The following TTC28 variants were observed in gnomAD, a reference collection of about 807,000 sequenced individuals.
TTC28 encodes the protein tetratricopeptide repeat protein 28.
In TTC28, 61 loss-of-function variants were observed where a neutral mutation model predicts 198.0. That is an observed-to-expected ratio of 0.31 (90% confidence interval 0.25 to 0.38). TTC28 has a LOEUF of 0.38. TTC28 is among the 10% of genes least tolerant of loss of function. The pLI, the probability that TTC28 is intolerant of heterozygous loss-of-function variation, is 1.00. For missense variants in TTC28, 2,678 were observed against 3,164.0 expected (o/e 0.85, Z 3.69); for synonymous variants, 1,171 against 1,297.8 (o/e 0.90, Z 2.10).
chr22:28,653,494 A>G (rs1240121641), intron 1 of TTC28, among the ~76,000 whole-genome samples: 1 of 148,404 alleles, frequency 6.7e-6, no homozygotes, highest in Non-Finnish European at 1.5e-5. Flanking sequence ...TGGGGGTGAG[A>G]CCTTGTCTTA....
At chr22:28,199,548 T>TATATATATATATATATATATATAC (rs60177369) in intron 5 of TTC28, among the ~76,000 whole-genome samples, 3 of 147,472 alleles carry the variant, frequency 2.0e-5, no homozygotes, top group South Asian at 2.1e-4. Context: ...TATATATATA[T>TATATATATATATATATATATATAC]ACACACAAAC....
At chr22:28,607,949 A>T (rs990036084) in intron 2 of TTC28, among the ~76,000 whole-genome samples, 1 of 152,186 alleles carries the variant, frequency 6.6e-6, no homozygotes, top group Non-Finnish European at 1.5e-5. Flanking sequence ...ACTTTCCCAT[A>T]AATTAAACTG....
intron 5 of TTC28, among the ~76,000 whole-genome samples, chr22:28,248,700 C>T (rs1178120942): frequency 6.6e-6 from 1 of 152,126 alleles, no homozygotes; most frequent in Non-Finnish European, 1.5e-5. Flanking sequence ...TCTTGTAAAA[C>T]TATAGGGCTA....
At chr22:28,522,938 A>G (rs773859035) in intron 2 of TTC28, among the ~76,000 whole-genome samples, 5 of 152,094 alleles carry the variant, frequency 3.3e-5, no homozygotes, top group Non-Finnish European at 7.3e-5. Flanking sequence ...TTGGAATGAT[A>G]AAAATCTTCT....
At chr22:28,081,019 T>G (rs1024037446) in intron 12 of TTC28, among the ~76,000 whole-genome samples, 2 of 151,826 alleles carry the variant, frequency 1.3e-5, no homozygotes, top group Non-Finnish European at 2.9e-5. Flanking sequence ...ATTTCTGGGC[T>G]ATTTATTCTA....
chr22:28,409,577 C>T (rs953943633), intron 2 of TTC28, among the ~76,000 whole-genome samples: 26 of 148,962 alleles, frequency 1.7e-4, no homozygotes, highest in African/African-American at 4.9e-4. Flanking sequence ...TTATATATAA[C>T]ATATATAAAA....
intron 5 of TTC28, among the ~76,000 whole-genome samples, chr22:28,256,825 G>T (rs1425471456): frequency 6.6e-6 from 1 of 152,212 alleles, no homozygotes; most frequent in African/African-American, 2.4e-5. Flanking sequence ...CATTGCTTGA[G>T]GCCAGAAGTT....
intron 12 of TTC28, among the ~76,000 whole-genome samples, chr22:28,089,881 G>A (rs913335085): frequency 2.0e-5 from 3 of 151,424 alleles, no homozygotes; most frequent in Non-Finnish European, 2.9e-5. Flanking sequence ...ACCACATACC[G>A]CATGTTCTCA....
intron 2 of TTC28, among the ~76,000 whole-genome samples, chr22:28,419,642 C>T (rs999339388): frequency 1.3e-5 from 2 of 152,156 alleles, no homozygotes; most frequent in African/African-American, 4.8e-5. Context: ...AGAAAACAAA[C>T]ACCTTTGAGG....
chr22:28,427,046 G>C (rs893577600), intron 2 of TTC28, among the ~76,000 whole-genome samples: 3 of 152,120 alleles, frequency 2.0e-5, no homozygotes, highest in Non-Finnish European at 4.4e-5. Context: ...TAATAATAAA[G>C]TGAAACCTAC....
chr22:28,282,834 T>C (rs539403037), intron 5 of TTC28, among the ~76,000 whole-genome samples: 1 of 152,312 alleles, frequency 6.6e-6, no homozygotes, highest in East Asian at 1.9e-4. Context: ...AGTAGAACTT[T>C]GAAAATTACA....
intron 5 of TTC28, among the ~76,000 whole-genome samples, chr22:28,207,223 GGAAA>G (rs1440060199): frequency 1.3e-5 from 1 of 78,692 alleles, no homozygotes; most frequent in Non-Finnish European, 2.9e-5. Flanking sequence ...CTAAGCAGAT[GGAAA>G]AAAAAAAAAA....
chr22:28,591,106 G>A (rs2146091255), intron 2 of TTC28, among the ~76,000 whole-genome samples: 1 of 130,754 alleles, frequency 7.6e-6, no homozygotes, highest in South Asian at 2.5e-4. Flanking sequence ...CATTTTGTTG[G>A]GGGGAATTAT....
chr22:28,494,444 T>G (rs1317959522), intron 2 of TTC28, among the ~76,000 whole-genome samples: 1 of 152,152 alleles, frequency 6.6e-6, no homozygotes, highest in African/African-American at 2.4e-5. Context: ...TTCCCCTACT[T>G]AAGCTTAACT....
chr22:28,388,303 G>A (rs1410370292), intron 2 of TTC28, among the ~76,000 whole-genome samples: 1 of 152,134 alleles, frequency 6.6e-6, no homozygotes, highest in Non-Finnish European at 1.5e-5. Flanking sequence ...TGTTCTTTTG[G>A]CTTAGGAATG....
Position 28,537,297 on chromosome 22 carries a change from A to AACTAAACTAAACTAAACTAAACTAAAC in TTC28, c.381+92254_381+92255insGTTTAGTTTAGTTTAGTTTAGTTTAGT, listed in dbSNP as rs1569008972. ...GACAGAGCCAGACTCCGTCTCAAAA[A>AACTAAACTAAACTAAACTAAACTAAAC]TAAAATAAAATAAAATAAAATAAAA... On this transcript the variant is annotated intron_variant, in intron 2 of 22. Transcript: ENST00000397906. 1.5e-4 allele frequency among the ~76,000 whole-genome samples: 15 copies of AACTAAACTAAACTAAACTAAACTAAAC among 98,248 alleles called. No homozygotes were observed. In the East Asian group the frequency reaches 3.3e-3, roughly 22 times the overall value. The allele number at this position is 98,248 out of a possible 152,430, so 64.5% of individuals were successfully genotyped here.
chr22:28,436,716 G>C (rs923771331), intron 2 of TTC28, among the ~76,000 whole-genome samples: 5 of 152,180 alleles, frequency 3.3e-5, no homozygotes, highest in African/African-American at 1.2e-4. Context: ...CTAAGAGCTA[G>C]GTGCCATTCA....
chr22:28,601,584 C>T (rs1272843175), intron 2 of TTC28, among the ~76,000 whole-genome samples: 1 of 152,066 alleles, frequency 6.6e-6, no homozygotes, highest in African/African-American at 2.4e-5. Context: ...TATGCAAATA[C>T]TACCTTATTT....
At chr22:28,436,384 G>A (rs1395622838) in intron 2 of TTC28, among the ~76,000 whole-genome samples, 1 of 152,190 alleles carries the variant, frequency 6.6e-6, no homozygotes, top group Non-Finnish European at 1.5e-5. Flanking sequence ...GACAGCTTCA[G>A]TACAGGGCTA....
Sources: gnomAD v4.1 joint callset for allele counts (sites outside exome capture counted in the v4.1 genomes callset) on GRCh38, gnomAD v4.1.1 for gene constraint, MANE v1.5 for transcripts, NCBI Gene and HGNC (gene_info 2026-07-23, HGNC 2026-07-21) for gene names.